Variants in NEAT1 observed in about 807,000 individuals in gnomAD.
The protein encoded by NEAT1 is MENepsilon/beta.
At chr11:65,431,771 G>A (rs542889142) in exon 1 of NEAT1, 3 of 152,170 alleles carry the variant, frequency 2.0e-5, no homozygotes, top group South Asian at 2.1e-4. Flanking sequence ...TAGAGTTATC[G>A]TTGTTGTTGA....
At chr11:65,428,404 CTA>C (rs1375625125) in exon 1 of NEAT1, 3 of 152,142 alleles carry the variant, frequency 2.0e-5, no homozygotes, top group East Asian at 1.9e-4. Flanking sequence ...ATCTGACTGA[CTA>C]TGACTGCTGA....
exon 1 of NEAT1, chr11:65,435,921 A>G (rs980015542): frequency 1.3e-5 from 2 of 152,266 alleles, no homozygotes; most frequent in Admixed American, 6.5e-5. Flanking sequence ...CGTCTGTGAC[A>G]TTTGTAAAAA....
exon 1 of NEAT1, chr11:65,430,102 G>A (rs1315219305): frequency 6.6e-6 from 1 of 152,268 alleles, no homozygotes; most frequent in Non-Finnish European, 1.5e-5. Flanking sequence ...ATGTCTGGGA[G>A]CAAGTTACTT....
exon 1 of NEAT1, chr11:65,431,529 T>C (rs766807958): frequency 4.6e-5 from 7 of 152,174 alleles, no homozygotes; most frequent in Non-Finnish European, 7.4e-5. Flanking sequence ...TCACCAAGAG[T>C]GCACAAGGGT....
At chr11:65,435,992 T>C (rs1856654901) in exon 1 of NEAT1, 1 of 152,260 alleles carries the variant, frequency 6.6e-6, no homozygotes, top group Admixed American at 6.5e-5. Flanking sequence ...TTAAGTGGCA[T>C]CCTGGTCTGG....
At chr11:65,424,105 G>T in exon 1 of NEAT1, 1 of 152,414 alleles carries the variant, frequency 6.6e-6, no homozygotes. Context: ...GGCTTAGGAG[G>T]AGGAAGTTCT....
exon 1 of NEAT1, chr11:65,427,300 C>G (rs1298200661): frequency 1.3e-5 from 2 of 152,366 alleles, no homozygotes; most frequent in Admixed American, 6.5e-5. Flanking sequence ...GTGCTTGTTT[C>G]AAAGGGAGCA....
exon 1 of NEAT1, chr11:65,427,409 G>A (rs999232420): frequency 6.6e-6 from 1 of 152,500 alleles, no homozygotes; most frequent in Admixed American, 6.5e-5. Flanking sequence ...CAAATGGTGG[G>A]GGATCATGAC....
exon 1 of NEAT1, chr11:65,437,194 T>C (rs899876135): frequency 7.4e-6 from 1 of 135,770 alleles, no homozygotes; most frequent in African/African-American, 3.1e-5. Flanking sequence ...TATATATATA[T>C]GTATATATAT....
chr11:65,433,248 G>C (rs1241179424), exon 1 of NEAT1: 1 of 151,978 alleles, frequency 6.6e-6, no homozygotes, highest in Non-Finnish European at 1.5e-5. Flanking sequence ...TTTTCTCTCT[G>C]GATCTATTTC....
exon 1 of NEAT1, chr11:65,438,260 G>A (rs939478334): frequency 2.6e-5 from 4 of 152,176 alleles, no homozygotes; most frequent in African/African-American, 9.7e-5. Flanking sequence ...TGTAAGATGA[G>A]TTAGGGTGAC....
chr11:65,435,203 A>C (rs1437480412), exon 1 of NEAT1: 2 of 152,198 alleles, frequency 1.3e-5, no homozygotes, highest in Non-Finnish European at 2.9e-5. Context: ...GGGGCTGTGG[A>C]GTGTATGAAT....
exon 1 of NEAT1, chr11:65,434,897 C>T (rs1205752444): frequency 1.3e-5 from 2 of 152,186 alleles, no homozygotes; most frequent in Non-Finnish European, 2.9e-5. Context: ...GTAATTGGTA[C>T]AGTAGATTCT....
chr11:65,441,711 AAAGT>A (rs1366073931), exon 1 of NEAT1: 2 of 152,238 alleles, frequency 1.3e-5, no homozygotes, highest in African/African-American at 4.8e-5. Context: ...AGCTTTAGAT[AAAGT>A]AAGCAGTTCT....
chr11:65,438,318 A>G (rs1013837205), exon 1 of NEAT1: 1 of 152,172 alleles, frequency 6.6e-6, no homozygotes, highest in Non-Finnish European at 1.5e-5. Flanking sequence ...GTATTTTATT[A>G]TTACCGGTTT....
At chr11:65,433,504 G>A (rs1195015193) in exon 1 of NEAT1, 1 of 151,878 alleles carries the variant, frequency 6.6e-6, no homozygotes, top group Non-Finnish European at 1.5e-5. Context: ...TTAATAATGT[G>A]GTAAGCATTT....
exon 1 of NEAT1, chr11:65,432,354 A>T (rs762548945): frequency 6.6e-6 from 1 of 152,096 alleles, no homozygotes; most frequent in Non-Finnish European, 1.5e-5. Context: ...ATGATTGTAA[A>T]CCTTATCCTC....
chr11:65,430,759 C>G (rs1245566873), exon 1 of NEAT1: 1 of 152,136 alleles, frequency 6.6e-6, no homozygotes, highest in Non-Finnish European at 1.5e-5. Flanking sequence ...TTTTATAACT[C>G]TCTTCACAGA....
exon 1 of NEAT1, chr11:65,443,751 C>T (rs756210450): frequency 6.6e-6 from 1 of 152,250 alleles, no homozygotes; most frequent in African/African-American, 2.4e-5. Context: ...CTCTCACTGC[C>T]CTGCGCCCCA....
Sources: allele counts gnomAD v4.1 joint callset, GRCh38; gene constraint gnomAD v4.1.1; transcripts MANE v1.5; gene names NCBI Gene and HGNC (gene_info 2026-07-23, HGNC 2026-07-21).